SBF2: variants seen among roughly 807,000 people sequenced by gnomAD.
SBF2 encodes the protein myotubularin-related protein 13.
Under a neutral mutation model 225.2 loss-of-function variants are expected in SBF2, and 112 were observed. That is an observed-to-expected ratio of 0.50 (90% confidence interval 0.43 to 0.58). SBF2 has a LOEUF of 0.58. SBF2 is among the 20% of genes least tolerant of loss of function. SBF2 has a pLI of 0.00. For synonymous variants in SBF2, 763 were observed against 773.3 expected (o/e 0.99, Z 0.22); for missense variants, 1,996 against 2,206.2 (o/e 0.90, Z 1.91).
intron 13 of SBF2, among the ~76,000 whole-genome samples, chr11:9,985,142 TAA>T (rs2134446928): frequency 6.6e-6 from 1 of 152,292 alleles, no homozygotes; most frequent in East Asian, 1.9e-4. Flanking sequence ...ATGCTCCACT[TAA>T]AAGATACAGA....
At chr11:10,214,862 C>G (rs1039804782) in intron 1 of SBF2, among the ~76,000 whole-genome samples, 7 of 152,116 alleles carry the variant, frequency 4.6e-5, no homozygotes, top group East Asian at 3.9e-4. Context: ...AGAATCCACT[C>G]CAGGTAGTTT....
chr11:9,963,848 G>A lies in SBF2; in HGVS notation c.1635C>T (p.Asn545=), dbSNP rs1160157353. The A allele has an allele frequency of 5.6e-6, 9 of 1,609,280 alleles. No homozygotes were observed. The highest frequency in any genetic ancestry group is 7.7e-6 in the Non-Finnish European group (9 of 1,176,214). The change falls in exon 15 of 40, where the codon AAC becomes AAT. Residue 545 remains asparagine (N), a synonymous_variant. Coordinates refer to ENST00000256190, the MANE Select transcript of SBF2 (RefSeq NM_030962.4). The part of the protein sequence containing the change: ...SIMDKVTTVF[N]SAQRLEVVRN... ...TGACAACTTCTAGTCTTTGTGCACT[G>A]TTGAAAACTGTCGTCACCTTGTCCA...
At chr11:9,976,188 C>T (rs756265101) in intron 13 of SBF2, among the ~76,000 whole-genome samples, 6 of 151,662 alleles carry the variant, frequency 4.0e-5, no homozygotes, top group Non-Finnish European at 8.8e-5. Flanking sequence ...ATTCTCCTGC[C>T]TCAGCCTCCC....
intron 16 of SBF2, among the ~76,000 whole-genome samples, chr11:9,923,525 T>C (rs571854392): frequency 5.3e-5 from 8 of 152,342 alleles, no homozygotes; most frequent in African/African-American, 1.9e-4. Context: ...TTGTGAAATT[T>C]TGAATCTGTC....
chr11:9,783,229 A>C (rs1294662919), intron 38 of SBF2: 2 of 152,212 alleles, frequency 1.3e-5, no homozygotes, highest in African/African-American at 4.8e-5. Flanking sequence ...TTCAGAGTAT[A>C]GCTCCCTAAC....
At chr11:9,791,454 G>A (rs1333675145) in intron 33 of SBF2, among the ~76,000 whole-genome samples, 1 of 145,856 alleles carries the variant, frequency 6.9e-6, no homozygotes, top group Non-Finnish European at 1.5e-5. Flanking sequence ...TCAAGCCCAA[G>A]ATGGCATGAA....
At chr11:9,977,531 A>G (rs1946755172) in intron 13 of SBF2, among the ~76,000 whole-genome samples, 1 of 152,040 alleles carries the variant, frequency 6.6e-6, no homozygotes, top group African/African-American at 2.4e-5. Context: ...AGGGCAGGGA[A>G]GTAGTTACTT....
At chr11:10,259,848 TAAC>T (rs71995849) in intron 1 of SBF2, among the ~76,000 whole-genome samples, 1,618 of 152,210 alleles carry the variant, frequency 0.011, 29 homozygotes, top group African/African-American at 0.036. Flanking sequence ...CCTACTATAA[TAAC>T]AAAAAATTTA....
intron 16 of SBF2, among the ~76,000 whole-genome samples, chr11:9,910,629 G>C (rs1862522266): frequency 6.6e-6 from 1 of 151,874 alleles, no homozygotes; most frequent in African/African-American, 2.4e-5. Flanking sequence ...TGATATGGAT[G>C]ATCCTGACCC....
intron 16 of SBF2, among the ~76,000 whole-genome samples, chr11:9,907,344 T>C (rs1590396592): frequency 6.6e-6 from 1 of 152,326 alleles, no homozygotes. Flanking sequence ...ATTTATCACC[T>C]TCTATTCCAC....
At chr11:10,118,821 AC>A (rs1310753783) in intron 2 of SBF2, among the ~76,000 whole-genome samples, 1 of 151,810 alleles carries the variant, frequency 6.6e-6, no homozygotes, top group African/African-American at 2.4e-5. Context: ...AATGGTATAC[AC>A]CCTCTATCTC....
chr11:10,011,794 C>T (rs1389647875), intron 6 of SBF2, among the ~76,000 whole-genome samples: 1 of 152,208 alleles, frequency 6.6e-6, no homozygotes, highest in African/African-American at 2.4e-5. Flanking sequence ...GTTTGCCTTT[C>T]ACCAGTTTCA....
chr11:10,289,330 A>G (rs1436826174), intron 1 of SBF2, among the ~76,000 whole-genome samples: 3 of 152,044 alleles, frequency 2.0e-5, no homozygotes, highest in Admixed American at 1.3e-4. Context: ...GCCCCTTAGA[A>G]CACAGGGAGA....
intron 6 of SBF2, among the ~76,000 whole-genome samples, chr11:10,019,472 T>C (rs1162451474): frequency 2.6e-5 from 4 of 152,198 alleles, no homozygotes; most frequent in East Asian, 1.9e-4. Flanking sequence ...CAAGATGCCA[T>C]TATTAGTAAT....
chr11:9,832,198 T>G, intron 27 of SBF2, 26 bp downstream of exon 27: 1 of 1,592,320 alleles, frequency 6.3e-7, no homozygotes, highest in East Asian at 2.2e-5. Context: ...GAACGGGTGG[T>G]AATTGTGTTA....
At chr11:10,053,680 AGGCAT>A (rs1473291618) in intron 2 of SBF2, among the ~76,000 whole-genome samples, 5 of 152,042 alleles carry the variant, frequency 3.3e-5, no homozygotes, top group South Asian at 4.2e-4. Flanking sequence ...ACTTGAGCCT[AGGCAT>A]AAGAGGCTGC....
intron 1 of SBF2, among the ~76,000 whole-genome samples, chr11:10,199,863 T>C (rs931558378): frequency 3.9e-5 from 6 of 152,186 alleles, no homozygotes; most frequent in Admixed American, 1.3e-4. Flanking sequence ...GTACCTACTA[T>C]GGAAAATATG....
chr11:9,841,116 T>A (rs1452769073), intron 25 of SBF2, among the ~76,000 whole-genome samples: 1 of 152,214 alleles, frequency 6.6e-6, no homozygotes, highest in East Asian at 1.9e-4. Context: ...TTAAAATATA[T>A]TTTAAAAAAG....
chr11:9,912,875 G>A (rs944829333), intron 16 of SBF2, among the ~76,000 whole-genome samples: 4 of 152,160 alleles, frequency 2.6e-5, no homozygotes, highest in Non-Finnish European at 5.9e-5. Flanking sequence ...CATACAAGAA[G>A]ACATTTGTAA....
Sources: allele counts gnomAD v4.1 joint callset (sites outside exome capture counted in the v4.1 genomes callset), GRCh38; gene constraint gnomAD v4.1.1; transcripts MANE v1.5; gene names NCBI Gene and HGNC (gene_info 2026-07-23, HGNC 2026-07-21).